Variants in CTNNA3 observed in about 807,000 individuals in gnomAD.
The protein encoded by CTNNA3 is catenin alpha 3, also known as catenin alpha-3.
CTNNA3 carries 76 observed loss-of-function variants against 95.7 expected under a neutral mutation model. The ratio of observed to expected loss-of-function variants is 0.79; its 90% CI spans 0.66 to 0.96. CTNNA3 has a LOEUF of 0.96. Ranked by LOEUF, CTNNA3 falls within the 40% of genes least tolerant of loss-of-function variation. CTNNA3 has a pLI of 0.00. For missense variants in CTNNA3, 1,191 were observed against 1,089.8 expected (o/e 1.09, Z -1.31); for synonymous variants, 431 against 374.4 (o/e 1.15, Z -1.74).
chr10:67,729,870 C>A (rs1841264938), intron 1 of CTNNA3, among the ~76,000 whole-genome samples: 1 of 152,124 alleles, frequency 6.6e-6, no homozygotes, highest in South Asian at 2.1e-4. Context: ...GTCCATTTCA[C>A]CTCAATTTTT....
intron 11 of CTNNA3, among the ~76,000 whole-genome samples, chr10:66,506,597 C>T (rs10997206): frequency 0.34 from 50,958 of 152,042 alleles, 10,087 homozygotes; most frequent in Non-Finnish European, 0.43. Flanking sequence ...AAATACAATT[C>T]TTTTGAAATC....
chr10:67,133,828 C>T (rs1860158578), intron 7 of CTNNA3, among the ~76,000 whole-genome samples: 1 of 152,076 alleles, frequency 6.6e-6, no homozygotes, highest in African/African-American at 2.4e-5. Context: ...TGGCATTTTA[C>T]ATATGCCATC....
At chr10:66,523,923 C>T (rs1299902161) in intron 10 of CTNNA3, among the ~76,000 whole-genome samples, 1 of 152,160 alleles carries the variant, frequency 6.6e-6, no homozygotes, top group African/African-American at 2.4e-5. Flanking sequence ...TTCAGTAATT[C>T]ATAGTCTAAA....
At position 67,417,717 on chromosome 10, in the gene CTNNA3, AGTTTGGATTGG is replaced by A. The variant is rs1845594269; in HGVS notation, c.579+104114_579+104124del. Among the ~76,000 whole-genome samples the A allele has an allele frequency of 2.0e-5, 3 of 151,986 alleles. No individual in the cohort carries two copies. The South Asian group carries it at 6.3e-4, about 32-fold the overall frequency. Reference sequence around the variant, plus strand: ...ATCCAATTTAAATTGGATTAAATCCAGTTTGGATTGGGTTAAATCCAATTTCGAACCCATCC... The same window carrying A: ...ATCCAATTTAAATTGGATTAAATCCAGTTAAATCCAATTTCGAACCCATCC... On this transcript the variant is annotated intron_variant, in intron 5 of 17. Coordinates refer to ENST00000433211, the MANE Select transcript of CTNNA3 (RefSeq NM_013266.4).
intron 2 of CTNNA3, among the ~76,000 whole-genome samples, chr10:67,629,316 A>G (rs1447320565): frequency 6.6e-6 from 1 of 152,092 alleles, no homozygotes; most frequent in Non-Finnish European, 1.5e-5. Context: ...CTTCACCCCT[A>G]CACTGCTTTG....
intron 7 of CTNNA3, among the ~76,000 whole-genome samples, chr10:66,900,042 C>G (rs570372383): frequency 6.6e-6 from 1 of 152,112 alleles, no homozygotes; most frequent in Non-Finnish European, 1.5e-5. Flanking sequence ...ACAGACGGCC[C>G]CCTCAAGTGG....
At chr10:66,687,580 C>G (rs1449010659) in intron 9 of CTNNA3, among the ~76,000 whole-genome samples, 1 of 151,952 alleles carries the variant, frequency 6.6e-6, no homozygotes, top group African/African-American at 2.4e-5. Context: ...GAATTACAAA[C>G]AGGTGATAAA....
At chr10:67,500,092 C>T (rs2133100475) in intron 5 of CTNNA3, among the ~76,000 whole-genome samples, 1 of 152,306 alleles carries the variant, frequency 6.6e-6, no homozygotes, top group Non-Finnish European at 1.5e-5. Context: ...TCCCTGTACA[C>T]ACCACTTTAG....
chr10:66,574,502 G>A (rs577780188), intron 10 of CTNNA3, among the ~76,000 whole-genome samples: 5 of 152,018 alleles, frequency 3.3e-5, no homozygotes, highest in Non-Finnish European at 4.4e-5. Flanking sequence ...AGGAAATAAC[G>A]TTCTTTACAT....
intron 11 of CTNNA3, among the ~76,000 whole-genome samples, chr10:66,499,926 C>T (rs992220336): frequency 6.6e-6 from 1 of 151,786 alleles, no homozygotes; most frequent in Non-Finnish European, 1.5e-5. Context: ...CCTCAGCCTC[C>T]GGAGTAGCTG....
chr10:67,402,909 G>A (rs1284217149), intron 5 of CTNNA3, among the ~76,000 whole-genome samples: 1 of 152,178 alleles, frequency 6.6e-6, no homozygotes, highest in African/African-American at 2.4e-5. Flanking sequence ...CCCTAGGAAG[G>A]GGGCCGAATC....
At chr10:67,728,514 C>T (rs1461816139) in intron 1 of CTNNA3, among the ~76,000 whole-genome samples, 1 of 150,732 alleles carries the variant, frequency 6.6e-6, no homozygotes, top group African/African-American at 2.4e-5. Context: ...AGCTGGAGTG[C>T]AATGGCACAA....
intron 7 of CTNNA3, among the ~76,000 whole-genome samples, chr10:67,129,167 T>C (rs1439614299): frequency 2.6e-5 from 4 of 152,194 alleles, no homozygotes; most frequent in Non-Finnish European, 4.4e-5. Context: ...TACATAGCAC[T>C]TGCCTCTGTA....
chr10:67,447,722 C>T (rs186855324), intron 5 of CTNNA3, among the ~76,000 whole-genome samples: 14 of 152,254 alleles, frequency 9.2e-5, no homozygotes, highest in Admixed American at 7.2e-4. Context: ...TATTCATCCT[C>T]ATAGCTCTTA....
intron 7 of CTNNA3, among the ~76,000 whole-genome samples, chr10:66,880,876 C>G (rs984479645): frequency 1.3e-5 from 2 of 152,102 alleles, no homozygotes; most frequent in East Asian, 1.9e-4. Flanking sequence ...AGCCTTACAA[C>G]TCTTAGGAAG....
chr10:66,005,935 T>G (rs1301662115), intron 15 of CTNNA3, among the ~76,000 whole-genome samples: 1 of 151,872 alleles, frequency 6.6e-6, no homozygotes, highest in Non-Finnish European at 1.5e-5. Context: ...TTATTGAAAC[T>G]GTGAGATGTG....
rs77188563 is a variant in CTNNA3 at position 65,935,366 on chromosome 10, T to C, written c.2401-14749A>G. Among the ~76,000 whole-genome samples, 1,499 of 152,274 alleles carry C rather than the reference T, an allele frequency of 9.8e-3. 32 individuals are homozygous for C. The highest frequency in any genetic ancestry group is 0.034 in the African/African-American group (1,397 of 41,556). On this transcript the variant is annotated intron_variant, in intron 17 of 17. Coordinates refer to ENST00000433211, the MANE Select transcript of CTNNA3 (RefSeq NM_013266.4). ...ACTTGGTTTTTTTTAATCTTATCGT[T>C]CTGCTTATAATCATGCCATGCTTCT...
At chr10:66,646,798 A>G (rs1845722058) in intron 9 of CTNNA3, among the ~76,000 whole-genome samples, 9 of 152,146 alleles carry the variant, frequency 5.9e-5, no homozygotes, top group Admixed American at 5.9e-4. Context: ...TGCTCTTCTA[A>G]TCCTGTGCTA....
intron 9 of CTNNA3, among the ~76,000 whole-genome samples, chr10:66,657,078 T>G (rs536290993): frequency 5.3e-5 from 8 of 152,160 alleles, no homozygotes; most frequent in African/African-American, 1.4e-4. Flanking sequence ...AATGAGAAGA[T>G]TTTATTTTCT....
Sources: gnomAD v4.1 joint callset for allele counts (sites outside exome capture counted in the v4.1 genomes callset) on GRCh38, gnomAD v4.1.1 for gene constraint, MANE v1.5 for transcripts, NCBI Gene and HGNC (gene_info 2026-07-23, HGNC 2026-07-21) for gene names.